The following TMEM65 variants were observed in gnomAD, a reference collection of about 807,000 sequenced individuals.
TMEM65 encodes transmembrane protein 65.
Under a neutral mutation model 25.4 loss-of-function variants are expected in TMEM65, and 22 were observed. The ratio of observed to expected loss-of-function variants is 0.86; its 90% confidence interval spans 0.62 to 1.23. The LOEUF (loss-of-function observed/expected upper bound fraction) is 1.23, where lower values mean the gene tolerates loss of function less well. Among genes scored for constraint, TMEM65 ranks in the 50% most tolerant of loss-of-function variants. The pLI is 0.00. For synonymous variants in TMEM65, 132 were observed against 126.2 expected, an observed-to-expected ratio of 1.05 and a Z score of -0.31; for missense variants, 262 against 308.2, an observed-to-expected ratio of 0.85 and a Z score of 1.12.
At chr8:124,364,372 G>C (rs1814911720) in intron 1 of TMEM65, among the ~76,000 whole-genome samples, 1 of 152,116 alleles carries the variant, frequency 6.6e-6, no homozygotes, top group Admixed American at 6.5e-5. Flanking sequence ...TGAGGAGGAG[G>C]GAGGGGCAGA....
chr8:124,322,813 T>C lies in TMEM65; in HGVS notation c.472+508A>G, dbSNP rs549639379. ...GCATTCAAGACCATCCTGGCCAACA[T>C]GGTGAAACCCCGTCTCTACTAAAAA... is the stretch of plus-strand genomic sequence containing the variant. On this transcript the variant is annotated intron_variant, in intron 4 of 6. Coordinates refer to ENST00000297632, the MANE Select transcript of TMEM65 (RefSeq NM_194291.3). Among the ~76,000 whole-genome samples the C allele has an allele frequency of 5.3e-5, 8 of 152,100 alleles. No individual in the cohort carries two copies. In the South Asian group the frequency reaches 1.7e-3, roughly 32 times the overall value.
intron 3 of TMEM65, among the ~76,000 whole-genome samples, chr8:124,326,128 C>A (rs1365619988): frequency 2.4e-4 from 36 of 152,044 alleles, no homozygotes; most frequent in Admixed American, 2.4e-3. Context: ...TAAGTCCTAA[C>A]TGAGAAAAGT....
intron 5 of TMEM65, among the ~76,000 whole-genome samples, chr8:124,321,042 G>A (rs1814298300): frequency 6.6e-6 from 1 of 152,084 alleles, no homozygotes. Context: ...TACAATGACT[G>A]TAATATTCTC....
At chr8:124,333,025 G>A (rs1304537559) in intron 1 of TMEM65, among the ~76,000 whole-genome samples, 3 of 151,910 alleles carry the variant, frequency 2.0e-5, no homozygotes, top group East Asian at 3.9e-4. Flanking sequence ...GGCTGGTCTC[G>A]AACTGACCTC....
chr8:124,365,986 C>T lies in TMEM65; in HGVS notation c.304+5868G>A, dbSNP rs986680218. On this transcript the variant is annotated intron_variant, in intron 1 of 6. Transcript: ENST00000297632. Reference sequence around the variant, plus strand: ...CTGTAATCTCAGCACTTTGGGAGGCCGAGGCAGGAGGATTGCTTGAGGTCA... The same window carrying T: ...CTGTAATCTCAGCACTTTGGGAGGCTGAGGCAGGAGGATTGCTTGAGGTCA... 1.3e-5 allele frequency among the ~76,000 whole-genome samples: 2 copies of T among 152,058 alleles called. 1 individual carries two copies. Among genetic ancestry groups the T allele is most frequent in the Admixed American group, 1.3e-4 (2 of 15,268 alleles).
In TMEM65 at chr8:124,311,518, C is replaced by T. The variant is rs1215168796; in HGVS notation, c.*2442G>A. 6.6e-6 allele frequency: 1 copy of T among 152,546 alleles called. No individual in the cohort carries two copies. Among genetic ancestry groups the T allele is most frequent in the Non-Finnish European group, 1.5e-5 (1 of 67,988 alleles). 9.4% of individuals were successfully genotyped at this position (152,546 alleles called of 1,614,324 possible). A position where few individuals can be genotyped will look rare whatever the true frequency, so the allele number is the denominator to read the frequency against. ...TTAATAAATCATAATACATGGACAA[C>T]ACAAATTTAAACAAACAGGACTAAA... On this transcript the variant is annotated 3_prime_UTR_variant, in exon 7 of 7. Transcript: ENST00000297632.
At chr8:124,330,869 C>T (rs943361342) in intron 1 of TMEM65, 77 bp from the exon 2 acceptor site, 8 of 1,329,664 alleles carry the variant, frequency 6.0e-6, no homozygotes, top group African/African-American at 3.1e-5. Flanking sequence ...GAAGAAAATA[C>T]CAGAAGATTT....
chr8:124,363,436 T>C (rs1814897233), intron 1 of TMEM65, among the ~76,000 whole-genome samples: 1 of 152,188 alleles, frequency 6.6e-6, no homozygotes, highest in Non-Finnish European at 1.5e-5. Context: ...CAATTGTGTC[T>C]TTAACCATGA....
chr8:124,352,287 T>G (rs138607553), intron 1 of TMEM65, among the ~76,000 whole-genome samples: 361 of 152,182 alleles, frequency 2.4e-3, no homozygotes, highest in Non-Finnish European at 3.5e-3. Context: ...AGAAATTATA[T>G]AAAGCAGGGA....
At chr8:124,371,605 G>A (rs997239195) in intron 1 of TMEM65, among the ~76,000 whole-genome samples, 3 of 152,248 alleles carry the variant, frequency 2.0e-5, no homozygotes, top group Non-Finnish European at 4.4e-5. Context: ...GGCTGGGGAG[G>A]AAGTAGCTAG....
chr8:124,360,575 C>T (rs1404176097), intron 1 of TMEM65, among the ~76,000 whole-genome samples: 3 of 152,106 alleles, frequency 2.0e-5, no homozygotes, highest in African/African-American at 7.2e-5. Context: ...GGTGCTTTTC[C>T]TGGCTCTCTT....
intron 1 of TMEM65, among the ~76,000 whole-genome samples, chr8:124,342,551 A>G (rs1814593944): frequency 6.6e-6 from 1 of 152,160 alleles, no homozygotes; most frequent in Admixed American, 6.5e-5. Context: ...ATAATAAACA[A>G]GTGCTATGCA....
chr8:124,349,555 A>G (rs1331778887), intron 1 of TMEM65, among the ~76,000 whole-genome samples: 1 of 152,172 alleles, frequency 6.6e-6, no homozygotes, highest in East Asian at 1.9e-4. Context: ...AGAGTGAAAA[A>G]CAGCACCGAA....
intron 1 of TMEM65, among the ~76,000 whole-genome samples, chr8:124,333,455 CTGTGTGTGTGTGTGCGTG>C (rs1563592913): frequency 8.0e-6 from 1 of 124,736 alleles, no homozygotes; most frequent in African/African-American, 3.2e-5. Context: ...TTCTTTCCAT[CTGTGTGTGTGTGTGCGTG>C]TGTGTGTGTG....
At position 124,311,021 on chromosome 8, in the gene TMEM65, C is replaced by A. The variant is rs978214644; in HGVS notation, c.*2939G>T. On this transcript the variant is annotated 3_prime_UTR_variant, in exon 7 of 7. Coordinates refer to ENST00000297632, the MANE Select transcript of TMEM65 (RefSeq NM_194291.3). ...AAGATTTACTTCAAAATGGCTCATA[C>A]AAACTTTTGGTATAAAAGATAAACT... 3.3e-5 allele frequency: 5 copies of A among 152,190 alleles called. No homozygotes were observed. The highest frequency in any genetic ancestry group is 1.2e-4 in the African/African-American group (5 of 41,530). 9.4% of individuals were successfully genotyped at this position (152,190 alleles called of 1,614,324 possible).
chr8:124,343,425 G>T (rs1814605701), intron 1 of TMEM65, among the ~76,000 whole-genome samples: 1 of 152,114 alleles, frequency 6.6e-6, no homozygotes, highest in Non-Finnish European at 1.5e-5. Context: ...CCCACCAACT[G>T]ATGACAATCA....
chr8:124,355,371 A>G (rs1456255642), intron 1 of TMEM65, among the ~76,000 whole-genome samples: 1 of 152,180 alleles, frequency 6.6e-6, no homozygotes, highest in Non-Finnish European at 1.5e-5. Context: ...ATTTTCTTTC[A>G]CAATTCAAGC....
intron 1 of TMEM65, among the ~76,000 whole-genome samples, chr8:124,351,595 C>G (rs1433237033): frequency 6.6e-6 from 1 of 152,166 alleles, no homozygotes; most frequent in Non-Finnish European, 1.5e-5. Context: ...TTGTCACACA[C>G]TTTTCTAAAT....
intron 1 of TMEM65, among the ~76,000 whole-genome samples, chr8:124,333,320 CAT>C (rs775830062): frequency 1.3e-5 from 2 of 151,714 alleles, no homozygotes; most frequent in Admixed American, 6.6e-5. Context: ...GGTTTATTTC[CAT>C]ATATATATAT....
Sources: gnomAD v4.1 joint callset for allele counts (sites outside exome capture counted in the v4.1 genomes callset) on GRCh38, gnomAD v4.1.1 for gene constraint, MANE v1.5 for transcripts, NCBI Gene and HGNC (gene_info 2026-07-23, HGNC 2026-07-21) for gene names.